The following RHOT1 variants were observed in gnomAD, a reference collection of about 807,000 sequenced individuals.
The protein encoded by RHOT1 is ras homolog family member T1.
In RHOT1, 27 loss-of-function variants were observed where a neutral mutation model predicts 95.3. The ratio of observed to expected loss-of-function variants is 0.28; its 90% CI spans 0.21 to 0.39. RHOT1 has a LOEUF of 0.39. Among genes scored for constraint, RHOT1 ranks in the 10% least tolerant of loss-of-function variants. The pLI is 1.00. For missense variants in RHOT1, 578 were observed against 786.7 expected, an observed-to-expected ratio of 0.73 and a Z score of 3.17; for synonymous variants, 227 against 263.5, an observed-to-expected ratio of 0.86 and a Z score of 1.34.
chr17:32,171,230 C>T (rs1253929132), intron 2 of RHOT1, 129 bp downstream of exon 2: 1 of 616,622 alleles, frequency 1.6e-6, no homozygotes, highest in Non-Finnish European at 2.8e-6. Context: ...TTTTTTTCTC[C>T]CTTCTTTAGA....
chr17:32,195,820 A>G (rs1163562746), intron 11 of RHOT1, among the ~76,000 whole-genome samples: 1 of 152,320 alleles, frequency 6.6e-6, no homozygotes, highest in East Asian at 1.9e-4. Flanking sequence ...TTTTCAATAA[A>G]TATATACTAA....
chr17:32,199,294 G>T, intron 12 of RHOT1, 111 bp from the exon 13 acceptor site: 1 of 1,021,132 alleles, frequency 9.8e-7, no homozygotes, highest in Non-Finnish European at 1.4e-6. Context: ...AAAATTTGTT[G>T]TCATTTATTA....
intron 1 of RHOT1, among the ~76,000 whole-genome samples, chr17:32,169,258 T>C (rs2034369397): frequency 6.6e-6 from 1 of 152,328 alleles, no homozygotes; most frequent in Non-Finnish European, 1.5e-5. Flanking sequence ...ATTTAGACTT[T>C]AATTTTGGAA....
intron 19 of RHOT1, 64 bp downstream of exon 19, chr17:32,211,302 A>T (rs761160798): frequency 6.8e-7 from 1 of 1,466,632 alleles, no homozygotes; most frequent in East Asian, 2.3e-5. Context: ...AAAGCGGATA[A>T]CTATTTATTA....
intron 17 of RHOT1, 114 bp downstream of exon 17, chr17:32,207,143 A>C: frequency 1.0e-6 from 1 of 976,564 alleles, no homozygotes. Context: ...GTATTTTAAA[A>C]ATACATACAT....
rs143608419 is a variant in RHOT1, at chr17:32,177,626, G to A, written c.329+1413G>A. Among the ~76,000 whole-genome samples the A allele has an allele frequency of 6.6e-3, 993 of 151,500 alleles. 19 individuals carry two copies. The highest frequency in any genetic ancestry group is 0.023 in the African/African-American group (934 of 41,342). ...AAAAATTAGCTGGGTGTGGTGGGAG[G>A]CGCCTGTAGTCCCAGCTACTCGGGA... On this transcript the variant is annotated intron_variant, in intron 6 of 19. Coordinates refer to ENST00000545287, the MANE Select transcript of RHOT1 (RefSeq NM_001033566.3).
intron 1 of RHOT1, chr17:32,143,084 C>CA (rs1396426204): frequency 1.1e-5 from 7 of 618,680 alleles, no homozygotes; most frequent in Non-Finnish European, 2.2e-5. Context: ...TTCTGGGCCT[C>CA]ACAGTTTCCC....
chr17:32,152,802 CT>C (rs369538827), intron 1 of RHOT1, among the ~76,000 whole-genome samples: 124 of 145,328 alleles, frequency 8.5e-4, no homozygotes, highest in Admixed American at 8.3e-4. Context: ...CATTATTTAT[CT>C]TTTTTTTTTT....
Position 32,149,635 on chromosome 17 carries a change from A to ATATATGTG in RHOT1, c.37+6907_37+6908insATATGTGT, listed in dbSNP as rs1445281403. Among the ~76,000 whole-genome samples the ATATATGTG allele has an allele frequency of 2.7e-3, 162 of 58,970 alleles. 1 individual carries two copies. The highest frequency in any genetic ancestry group is 3.7e-3 in the Non-Finnish European group (108 of 29,166). 38.7% of individuals were successfully genotyped at this position (58,970 alleles called of 152,430 possible). On this transcript the variant is annotated intron_variant, in intron 1 of 19. Coordinates refer to ENST00000545287, the MANE Select transcript of RHOT1 (RefSeq NM_001033566.3). ...TATATATATATATATATATATATAT[A>ATATATGTG]TGTGTGTGTGTGTGTGTGTGTGTGT...
intron 19 of RHOT1, among the ~76,000 whole-genome samples, chr17:32,222,594 A>G (rs1241898404): frequency 2.6e-5 from 4 of 151,910 alleles, no homozygotes; most frequent in Non-Finnish European, 4.4e-5. Flanking sequence ...AAGTTTGGCA[A>G]TTTGCTATAG....
intron 14 of RHOT1, among the ~76,000 whole-genome samples, chr17:32,202,104 G>A (rs2037366155): frequency 6.6e-6 from 1 of 152,098 alleles, no homozygotes; most frequent in African/African-American, 2.4e-5. Flanking sequence ...TAGAGATGGG[G>A]TTTCACTGTG....
chr17:32,208,410 G>A, intron 18 of RHOT1, 101 bp downstream of exon 18: 3 of 1,159,228 alleles, frequency 2.6e-6, no homozygotes, highest in African/African-American at 1.5e-5. Context: ...GAATTGTTCA[G>A]CAACAGAAAG....
chr17:32,207,099 G>C, intron 17 of RHOT1, 70 bp downstream of exon 17: 1 of 1,422,982 alleles, frequency 7.0e-7, no homozygotes, highest in Non-Finnish European at 9.5e-7. Flanking sequence ...GCAGTGTGGT[G>C]TTTCCTAACC....
Position 32,162,579 on chromosome 17 carries a change from G to A in RHOT1, c.38-8464G>A, listed in dbSNP as rs147851703. 2.7e-4 allele frequency among the ~76,000 whole-genome samples: 41 copies of A among 152,258 alleles called. No homozygotes were observed. In the East Asian group the frequency reaches 4.8e-3, roughly 18 times the overall value. On this transcript the variant is annotated intron_variant, in intron 1 of 19. Coordinates refer to ENST00000545287, the MANE Select transcript of RHOT1 (RefSeq NM_001033566.3). ...GGAGGTGGGACCAGTTTCGTTAGTG[G>A]TGATGTCGAAAATAACAGCAGTACC...
chr17:32,147,437 G>A (rs1445359033), intron 1 of RHOT1, among the ~76,000 whole-genome samples: 6 of 151,926 alleles, frequency 3.9e-5, no homozygotes, highest in Non-Finnish European at 8.8e-5. Flanking sequence ...ATTGGCCTGG[G>A]CAACATAGTG....
At chr17:32,161,503 A>G (rs1322933923) in intron 1 of RHOT1, among the ~76,000 whole-genome samples, 1 of 152,238 alleles carries the variant, frequency 6.6e-6, no homozygotes, top group Non-Finnish European at 1.5e-5. Flanking sequence ...AGCAGAATTC[A>G]GGTCCCTCAC....
At chr17:32,178,674 C>T (rs2035248077) in intron 6 of RHOT1, among the ~76,000 whole-genome samples, 1 of 151,760 alleles carries the variant, frequency 6.6e-6, no homozygotes, top group Non-Finnish European at 1.5e-5. Context: ...TGAGGAGCGC[C>T]TCTGCCCGGC....
chr17:32,155,312 A>G (rs995999609), intron 1 of RHOT1, among the ~76,000 whole-genome samples: 1 of 151,680 alleles, frequency 6.6e-6, no homozygotes, highest in Non-Finnish European at 1.5e-5. Flanking sequence ...GGTGCCCACC[A>G]CCACGCCTGG....
At chr17:32,218,739 A>G (rs1167699427) in intron 19 of RHOT1, among the ~76,000 whole-genome samples, 1 of 152,066 alleles carries the variant, frequency 6.6e-6, no homozygotes, top group African/African-American at 2.4e-5. Flanking sequence ...ACCTGAGCCC[A>G]GGAGGTTGAG....
Sources: gnomAD v4.1 joint callset for allele counts (sites outside exome capture counted in the v4.1 genomes callset) on GRCh38, gnomAD v4.1.1 for gene constraint, MANE v1.5 for transcripts, NCBI Gene and HGNC (gene_info 2026-07-23, HGNC 2026-07-21) for gene names.